SUPT3H: variants seen among roughly 807,000 people sequenced by gnomAD.
SUPT3H encodes the protein transcription initiation protein SPT3 homolog.
A neutral mutation model predicts 44.3 loss-of-function variants in SUPT3H; 44 were observed. The ratio of observed to expected loss-of-function variants is 0.99; its 90% CI spans 0.78 to 1.28. SUPT3H has a LOEUF of 1.28. SUPT3H is among the 50% of genes most tolerant of loss of function. The pLI is 0.00. For synonymous variants in SUPT3H, 124 were observed against 125.6 expected (o/e 0.99, Z 0.09); for missense variants, 380 against 387.1 (o/e 0.98, Z 0.15).
At chr6:45,228,868 G>A (rs531280985) in intron 2 of SUPT3H, among the ~76,000 whole-genome samples, 5 of 152,212 alleles carry the variant, frequency 3.3e-5, no homozygotes, top group South Asian at 2.1e-4. Flanking sequence ...TCGAACTCCT[G>A]ACCTAAGGCG....
chr6:45,259,645 G>A (rs1336272894), intron 2 of SUPT3H, among the ~76,000 whole-genome samples: 4 of 152,068 alleles, frequency 2.6e-5, no homozygotes, highest in Non-Finnish European at 5.9e-5. Context: ...ATTTGTGCTG[G>A]GAAATGTGCC....
In SUPT3H at chr6:45,365,218, T is replaced by G. The variant is rs1418517380; in HGVS notation, c.84A>C (p.Thr28=). ...RSTGKSISFA[T]ELQSMMYSLG... is the part of the protein sequence containing the mutation. ...ATACTTACATCATACTCTGTAATTC[T>G]GTTGCAAAGCTTATAGACTTCCCTG... Residue 28 remains threonine (T), a synonymous_variant, in exon 2 of 11, where the codon ACA becomes ACC. Transcript: ENST00000371459. 6.2e-7 allele frequency: 1 copy of G among 1,609,858 alleles called. No individual in the cohort carries two copies. Among genetic ancestry groups the G allele is most frequent in the South Asian group, 1.1e-5 (1 of 90,568 alleles).
chr6:45,169,151 T>C (rs1810386982), intron 2 of SUPT3H, among the ~76,000 whole-genome samples: 1 of 152,194 alleles, frequency 6.6e-6, no homozygotes. Context: ...AGAGCTGAAA[T>C]CTAGCCCAAC....
chr6:44,947,468 G>T (rs1023271459), intron 9 of SUPT3H, among the ~76,000 whole-genome samples: 4 of 152,174 alleles, frequency 2.6e-5, no homozygotes, highest in Non-Finnish European at 5.9e-5. Flanking sequence ...TTCATGGATT[G>T]TGAGACTTAG....
At chr6:45,243,075 TC>T (rs1268343954) in intron 2 of SUPT3H, among the ~76,000 whole-genome samples, 1 of 151,766 alleles carries the variant, frequency 6.6e-6, no homozygotes, top group East Asian at 1.9e-4. Flanking sequence ...GCACCTGTAA[TC>T]CCAGCTAGTC....
intron 2 of SUPT3H, among the ~76,000 whole-genome samples, chr6:45,332,747 T>C (rs1787764458): frequency 6.6e-6 from 1 of 151,694 alleles, no homozygotes; most frequent in African/African-American, 2.4e-5. Context: ...TGCCATCAAC[T>C]CAATGTGAAA....
chr6:44,812,865 C>G (rs1766628476), intron 11 of SUPT3H, among the ~76,000 whole-genome samples: 1 of 152,158 alleles, frequency 6.6e-6, no homozygotes, highest in Admixed American at 6.5e-5. Context: ...GAGGAAACTA[C>G]AGAGAAATAA....
chr6:45,365,125 T>C (rs933912253), intron 2 of SUPT3H, 76 bp downstream of exon 2: 6 of 843,850 alleles, frequency 7.1e-6, no homozygotes, highest in Non-Finnish European at 1.1e-5. Context: ...GTTTTATAAA[T>C]GTTGTTATGT....
chr6:45,170,634 ATTTTCTTT>A (rs1345990263), intron 2 of SUPT3H, among the ~76,000 whole-genome samples: 2 of 152,098 alleles, frequency 1.3e-5, no homozygotes, highest in African/African-American at 2.4e-5. Context: ...GTTTAGGTTC[ATTTTCTTT>A]TTTTCTTTTT....
At chr6:44,948,973 T>A (rs857598) in intron 9 of SUPT3H, among the ~76,000 whole-genome samples, 149,226 of 152,326 alleles carry the variant, frequency 0.98, 73,106 homozygotes, top group Middle Eastern at 1. Context: ...TCTCAATACC[T>A]AAGACTTGGA....
intron 10 of SUPT3H, among the ~76,000 whole-genome samples, chr6:44,928,784 G>C (rs1023434550): frequency 1.3e-5 from 2 of 149,728 alleles, no homozygotes; most frequent in African/African-American, 2.5e-5. Flanking sequence ...TCGGGAGGCT[G>C]AGGCAGGAGA....
intron 2 of SUPT3H, among the ~76,000 whole-genome samples, chr6:45,311,883 T>C (rs1784014031): frequency 6.6e-6 from 1 of 151,962 alleles, no homozygotes; most frequent in South Asian, 2.1e-4. Flanking sequence ...ACACACGACC[T>C]ATAAAACAAA....
At chr6:45,046,603 T>C (rs1260995505) in intron 3 of SUPT3H, among the ~76,000 whole-genome samples, 3 of 152,226 alleles carry the variant, frequency 2.0e-5, no homozygotes, top group Non-Finnish European at 2.9e-5. Context: ...AGTGCTGGGA[T>C]TACAGGCGTG....
Position 45,306,656 on chromosome 6 carries a change from G to A in SUPT3H, c.101+58545C>T, listed in dbSNP as rs138766728. On this transcript the variant is annotated intron_variant, in intron 2 of 10. Transcript: ENST00000371459. ...CACCACCAAAAGAATACAATCGGGC[G>A]GTTCCAAGATGGCCGAATAGGAACA... Among the ~76,000 whole-genome samples, 371 of 152,258 alleles carry A rather than the reference G, an allele frequency of 2.4e-3. 1 individual carries two copies. Among genetic ancestry groups the A allele is most frequent in the African/African-American group, 8.2e-3 (341 of 41,552 alleles).
At chr6:45,210,345 T>C (rs1176992731) in intron 2 of SUPT3H, among the ~76,000 whole-genome samples, 1 of 152,186 alleles carries the variant, frequency 6.6e-6, no homozygotes, top group Non-Finnish European at 1.5e-5. Flanking sequence ...GACAAATGCA[T>C]ATCTGATTGC....
intron 2 of SUPT3H, among the ~76,000 whole-genome samples, chr6:45,326,427 A>G (rs1314779422): frequency 6.6e-6 from 1 of 151,890 alleles, no homozygotes; most frequent in Non-Finnish European, 1.5e-5. Context: ...GATACGACTT[A>G]TTTATAAAAG....
rs73735314 is a variant in SUPT3H at position 45,216,158 on chromosome 6, C to T, written c.102-110152G>A. Among the ~76,000 whole-genome samples the T allele has an allele frequency of 6.0e-3, 918 of 151,802 alleles. 14 individuals are homozygous for T. The highest frequency in any genetic ancestry group is 0.021 in the African/African-American group (874 of 41,370). On this transcript the variant is annotated intron_variant, in intron 2 of 10. Coordinates refer to ENST00000371459, the MANE Select transcript of SUPT3H (RefSeq NM_003599.4). ...CTGAGGAAATTCATCATGACTAGAC[C>T]GAACTTACAAGAAATGCTTAAGGAA... is the stretch of plus-strand genomic sequence containing the variant.
chr6:45,114,045 A>T (rs1172650496), intron 2 of SUPT3H, among the ~76,000 whole-genome samples: 1 of 152,024 alleles, frequency 6.6e-6, no homozygotes, highest in African/African-American at 2.4e-5. Flanking sequence ...TATAAAAAGC[A>T]AAATTAAATT....
chr6:45,001,948 C>T (rs1193387776), intron 6 of SUPT3H, among the ~76,000 whole-genome samples: 2 of 152,020 alleles, frequency 1.3e-5, no homozygotes, highest in South Asian at 2.1e-4. Flanking sequence ...GTTATGTCTA[C>T]AAGCCCAGCA....
Sources: allele counts gnomAD v4.1 joint callset (sites outside exome capture counted in the v4.1 genomes callset), GRCh38; gene constraint gnomAD v4.1.1; transcripts MANE v1.5; gene names NCBI Gene and HGNC (gene_info 2026-07-23, HGNC 2026-07-21).